Variants in KCNC2 observed in about 807,000 individuals in gnomAD.
The protein encoded by KCNC2 is potassium voltage-gated channel subfamily C member 2.
A neutral mutation model predicts 44.5 loss-of-function variants in KCNC2; 21 were observed. The ratio of observed to expected loss-of-function variants is 0.47; its 90% CI spans 0.33 to 0.68. The LOEUF is 0.68. KCNC2 is among the 30% of genes least tolerant of loss of function. The pLI, the probability that KCNC2 is intolerant of heterozygous loss-of-function variation, is 0.01. For missense variants in KCNC2, 589 were observed against 826.2 expected (o/e 0.71, Z 3.52); for synonymous variants, 391 against 339.1 (o/e 1.15, Z -1.68).
intron 2 of KCNC2, among the ~76,000 whole-genome samples, chr12:75,191,596 T>C (rs1208675225): frequency 1.3e-3 from 164 of 128,146 alleles, no homozygotes; most frequent in South Asian, 0.01. Flanking sequence ...CAGGCTGGAC[T>C]GCGGACTGCA....
intron 2 of KCNC2, among the ~76,000 whole-genome samples, chr12:75,076,505 C>G (rs947464270): frequency 6.6e-6 from 1 of 152,106 alleles, no homozygotes; most frequent in African/African-American, 2.4e-5. Context: ...ATTTCCTGAC[C>G]TCGTGATCCG....
In KCNC2 at chr12:75,042,369, A is replaced by G; in HGVS notation, c.*736T>C. 1 of 1,611,384 alleles carries G rather than the reference A, an allele frequency of 6.2e-7. No homozygotes were observed. Among genetic ancestry groups the G allele is most frequent in the Non-Finnish European group, 8.5e-7 (1 of 1,178,268 alleles). On this transcript the variant is annotated 3_prime_UTR_variant, in exon 5 of 5. Transcript: ENST00000549446. ...TAACCAGTAATGACAACCTCTTTGC[A>G]GTTATCTGTGTGCAAACAACCAGAG...
chr12:75,180,100 A>C (rs1322605511), intron 2 of KCNC2, among the ~76,000 whole-genome samples: 1 of 151,976 alleles, frequency 6.6e-6, no homozygotes, highest in Non-Finnish European at 1.5e-5. Context: ...AGTAATTTTA[A>C]ATATAGACAT....
chr12:75,207,852 G>C lies in KCNC2; in HGVS notation c.132C>G (p.Gly44=), dbSNP rs77510785. The C allele has an allele frequency of 2.4e-3, 3,829 of 1,611,590 alleles. 75 individuals carry two copies. In the African/African-American group the frequency reaches 0.045, roughly 19 times the overall value. ...TGTCGCCCGCCGTGGTCAAGCAGTC[G>C]CCTGGGGGCTCGGAGGAGGCAAGAA... is the stretch of plus-strand genomic sequence containing the variant. ...LALLASSEPP[G]DCLTTAGDKL... is the part of the protein sequence containing the mutation. Residue 44 remains glycine (G), a synonymous_variant, in exon 2 of 5, where the codon GGC becomes GGG. Coordinates refer to ENST00000549446, the MANE Select transcript of KCNC2 (RefSeq NM_139137.4). This position sits in a 1 kb window ranked among gnomAD's most constrained non-coding sequence, Gnocchi z 4.1.
intron 2 of KCNC2, among the ~76,000 whole-genome samples, chr12:75,059,795 A>G (rs1289244715): frequency 6.6e-6 from 1 of 152,124 alleles, no homozygotes; most frequent in African/African-American, 2.4e-5. Flanking sequence ...ATTTTTTAAT[A>G]TTATGAATTC....
intron 2 of KCNC2, among the ~76,000 whole-genome samples, chr12:75,111,924 T>C (rs552928067): frequency 2.0e-5 from 3 of 152,132 alleles, no homozygotes; most frequent in Non-Finnish European, 4.4e-5. Context: ...TTTTTAAATA[T>C]TCTCATTGAT....
chr12:75,119,624 G>A (rs1336354971), intron 2 of KCNC2, among the ~76,000 whole-genome samples: 2 of 152,154 alleles, frequency 1.3e-5, no homozygotes, highest in Non-Finnish European at 2.9e-5. Flanking sequence ...TTTGCATTTA[G>A]TAAAGACTCT....
intron 2 of KCNC2, among the ~76,000 whole-genome samples, chr12:75,119,291 T>C (rs1179610317): frequency 2.6e-5 from 4 of 152,140 alleles, no homozygotes; most frequent in Non-Finnish European, 4.4e-5. Context: ...GAAGCATTCA[T>C]AGGTAACTTC....
chr12:75,145,769 T>A (rs1889979661), intron 2 of KCNC2, among the ~76,000 whole-genome samples: 1 of 152,116 alleles, frequency 6.6e-6, no homozygotes, highest in Non-Finnish European at 1.5e-5. Flanking sequence ...GGGAAGAGAA[T>A]TAACTGAAAT....
chr12:75,201,567 G>C (rs1016487431), intron 2 of KCNC2, among the ~76,000 whole-genome samples: 1 of 151,854 alleles, frequency 6.6e-6, no homozygotes, highest in African/African-American at 2.4e-5. Flanking sequence ...TTGAAATCAA[G>C]ACTGGAGCGT....
At chr12:75,114,361 T>C (rs1592901437) in intron 2 of KCNC2, among the ~76,000 whole-genome samples, 1 of 152,176 alleles carries the variant, frequency 6.6e-6, no homozygotes, top group African/African-American at 2.4e-5. Flanking sequence ...ATATGGTGGG[T>C]TCTTGTTTCC....
rs374458693 is a variant in KCNC2 at position 75,076,081 on chromosome 12, G to T, written c.688-24764C>A. ...CACACACACACACACACACACACAC[G>T]CTTACAAACAAACCGAAAAGAATAC... On this transcript the variant is annotated intron_variant, in intron 2 of 4. Coordinates refer to ENST00000549446, the MANE Select transcript of KCNC2 (RefSeq NM_139137.4). Among the ~76,000 whole-genome samples, 36 of 100,978 alleles carry T rather than the reference G, an allele frequency of 3.6e-4. No homozygotes were observed. The East Asian group carries it at 0.012, about 33-fold the overall frequency. 66.2% of individuals were successfully genotyped at this position (100,978 alleles called of 152,430 possible).
At chr12:75,103,617 T>A (rs1259379225) in intron 2 of KCNC2, among the ~76,000 whole-genome samples, 1 of 152,120 alleles carries the variant, frequency 6.6e-6, no homozygotes, top group African/African-American at 2.4e-5. Context: ...CAAATCTGAG[T>A]GCAAAAACCC....
At position 75,207,430 on chromosome 12, in the gene KCNC2, A is replaced by G. The variant is rs1284277963; in HGVS notation, c.554T>C (p.Leu185Pro). The change falls in exon 2 of 5, where the codon CTG becomes CCG. Residue 185 changes from leucine (L) to proline (P), a missense_variant. Around this residue, in one of 7 missense-constraint regions of KCNC2, gnomAD observed 97 missense variants for 73.3 expected, o/e 1.32. Coordinates refer to ENST00000549446, the MANE Select transcript of KCNC2 (RefSeq NM_139137.4). This position sits in a 1 kb window ranked among gnomAD's most constrained non-coding sequence, Gnocchi z 4.1. ...IGGDPGDDED[L>P]AAKRLGIEDA... Reference sequence around the variant, plus strand: ...CTCGATGCCCAGCCTCTTGGCCGCCAGGTCCTCGTCGTCGCCGGGGTCGCC... The same window carrying G: ...CTCGATGCCCAGCCTCTTGGCCGCCGGGTCCTCGTCGTCGCCGGGGTCGCC... The G allele has an allele frequency of 6.2e-7, 1 of 1,606,802 alleles. No individual in the cohort carries two copies. Among genetic ancestry groups the G allele is most frequent in the Non-Finnish European group, 8.5e-7 (1 of 1,176,930 alleles).
At chr12:75,206,250 C>G (rs2031676594) in intron 2 of KCNC2, among the ~76,000 whole-genome samples, 4 of 152,146 alleles carry the variant, frequency 2.6e-5, no homozygotes, top group Admixed American at 2.0e-4. Flanking sequence ...GGAAGCAAAC[C>G]AGACACATGC....
chr12:75,091,234 C>T (rs1885447067), intron 2 of KCNC2, among the ~76,000 whole-genome samples: 1 of 151,666 alleles, frequency 6.6e-6, no homozygotes, highest in African/African-American at 2.4e-5. Flanking sequence ...CTATAATGCT[C>T]ATCTCAATTT....
intron 2 of KCNC2, among the ~76,000 whole-genome samples, chr12:75,197,200 G>A (rs1164782486): frequency 6.6e-6 from 1 of 152,004 alleles, no homozygotes; most frequent in Admixed American, 6.6e-5. Flanking sequence ...GTCCTGGACT[G>A]AGAGTCTTAC....
chr12:75,204,418 T>C (rs1186312281), intron 2 of KCNC2, among the ~76,000 whole-genome samples: 1 of 152,046 alleles, frequency 6.6e-6, no homozygotes, highest in Admixed American at 6.5e-5. Flanking sequence ...AAAGCACATC[T>C]ATTATATAAC....
At chr12:75,167,178 C>A (rs553273967) in intron 2 of KCNC2, among the ~76,000 whole-genome samples, 3 of 151,274 alleles carry the variant, frequency 2.0e-5, no homozygotes, top group Non-Finnish European at 4.4e-5. Flanking sequence ...AATTAAATAA[C>A]TTCACTGAAA....
Sources: gnomAD v4.1 joint callset for allele counts (sites outside exome capture counted in the v4.1 genomes callset) on GRCh38, gnomAD v4.1.1 for gene constraint, gnomAD v4.1.1 regional missense constraint, Gnocchi (gnomAD v3.1) non-coding constraint, MANE v1.5 for transcripts, NCBI Gene and HGNC (gene_info 2026-07-23, HGNC 2026-07-21) for gene names.